The following BCL2L1 variants were observed in gnomAD, a reference collection of about 807,000 sequenced individuals.
BCL2L1 encodes BCL2 like 1.
Under a neutral mutation model 18.7 loss-of-function variants are expected in BCL2L1, and 1 was observed. The ratio of observed to expected loss-of-function variants is 0.05; its 90% CI spans 0.02 to 0.25. The LOEUF (loss-of-function observed/expected upper bound fraction) is 0.25. Ranked by LOEUF, BCL2L1 falls within the 10% of genes least tolerant of loss-of-function variation. The pLI is 1.00. For synonymous variants in BCL2L1, 103 were observed against 122.7 expected, an observed-to-expected ratio of 0.84 and a Z score of 1.06; for missense variants, 207 against 304.9, an observed-to-expected ratio of 0.68 and a Z score of 2.39.
chr20:31,706,534 A>G (rs1316767310), intron 2 of BCL2L1, among the ~76,000 whole-genome samples: 12 of 152,208 alleles, frequency 7.9e-5, no homozygotes. Context: ...GTTAAGAGTG[A>G]ATAAGACATA....
chr20:31,684,097 G>A (rs1390666418), intron 2 of BCL2L1, among the ~76,000 whole-genome samples: 7 of 152,212 alleles, frequency 4.6e-5, no homozygotes, highest in Middle Eastern at 6.8e-3. Flanking sequence ...CCAGCTGACC[G>A]GAAGCCAGTC....
At chr20:31,696,346 T>C (rs2061170055) in intron 2 of BCL2L1, among the ~76,000 whole-genome samples, 1 of 152,170 alleles carries the variant, frequency 6.6e-6, no homozygotes, top group African/African-American at 2.4e-5. Flanking sequence ...ATGGCAGCGG[T>C]CAACGTCCTT....
chr20:31,697,892 G>GTTTTTTTTTTTTTGTTTGTTTGTTTT (rs1319361227), intron 2 of BCL2L1, among the ~76,000 whole-genome samples: 113 of 129,634 alleles, frequency 8.7e-4, no homozygotes, highest in Non-Finnish European at 1.1e-3. Context: ...TGCTGTTGCT[G>GTTTTTTTTTTTTTGTTTGTTTGTTTT]TTTTTTTTTT....
chr20:31,698,087 C>A (rs1405018295), intron 2 of BCL2L1, among the ~76,000 whole-genome samples: 1 of 151,774 alleles, frequency 6.6e-6, no homozygotes, highest in Non-Finnish European at 1.5e-5. Context: ...GGGGTTTCAC[C>A]ATGTTGGCCA....
intron 2 of BCL2L1, among the ~76,000 whole-genome samples, chr20:31,692,612 A>C (rs2061092551): frequency 6.6e-6 from 1 of 151,412 alleles, no homozygotes; most frequent in Non-Finnish European, 1.5e-5. Context: ...CATCTCTACT[A>C]ATAATACAAA....
intron 2 of BCL2L1, among the ~76,000 whole-genome samples, chr20:31,682,709 C>T (rs1299745766): frequency 6.6e-6 from 1 of 152,138 alleles, no homozygotes; most frequent in African/African-American, 2.4e-5. Context: ...CTCGCCTTGG[C>T]CCCCCAAAGT....
intron 2 of BCL2L1, among the ~76,000 whole-genome samples, chr20:31,700,281 C>A (rs2061254911): frequency 6.6e-6 from 1 of 152,160 alleles, no homozygotes; most frequent in Non-Finnish European, 1.5e-5. Flanking sequence ...TGACAATGGC[C>A]CCACACTTAA....
intron 2 of BCL2L1, among the ~76,000 whole-genome samples, chr20:31,668,548 C>G (rs998624938): frequency 1.3e-5 from 2 of 151,782 alleles, no homozygotes; most frequent in Non-Finnish European, 2.9e-5. Flanking sequence ...CTCAAGTGAT[C>G]CGCCCACGGC....
intron 2 of BCL2L1, among the ~76,000 whole-genome samples, chr20:31,701,226 T>C (rs1395920151): frequency 6.6e-6 from 1 of 152,114 alleles, no homozygotes; most frequent in African/African-American, 2.4e-5. Flanking sequence ...GCTAATTTTT[T>C]GTATTTTAGC....
upstream of BCL2L1, chr20:31,723,458 CCGGGGG>C (rs2061668823): frequency 1.0e-6 from 1 of 985,266 alleles, no homozygotes; most frequent in Admixed American, 6.1e-5. Flanking sequence ...GGCTCCGGGG[CCGGGGG>C]CTGCACCTCT....
At chr20:31,721,153 C>T (rs1005431531) in intron 2 of BCL2L1, among the ~76,000 whole-genome samples, 1 of 152,142 alleles carries the variant, frequency 6.6e-6, no homozygotes, top group African/African-American at 2.4e-5. Context: ...GTGCCATACA[C>T]GCAAACTTTG....
At chr20:31,669,116 C>T (rs996626661) in intron 2 of BCL2L1, among the ~76,000 whole-genome samples, 5 of 152,002 alleles carry the variant, frequency 3.3e-5, no homozygotes, top group East Asian at 1.9e-4. Context: ...ACTGTAGTGG[C>T]GCAATCATGG....
At chr20:31,718,984 G>C (rs1332500483) in intron 2 of BCL2L1, among the ~76,000 whole-genome samples, 6 of 152,170 alleles carry the variant, frequency 3.9e-5, no homozygotes, top group Non-Finnish European at 7.3e-5. Flanking sequence ...TGCCAACCTT[G>C]GTGTAAATTC....
intron 2 of BCL2L1, among the ~76,000 whole-genome samples, chr20:31,719,319 T>C (rs910365956): frequency 1.3e-5 from 2 of 152,088 alleles, no homozygotes; most frequent in African/African-American, 2.4e-5. Context: ...AACATAGCCC[T>C]GAGTAGAATA....
intron 2 of BCL2L1, among the ~76,000 whole-genome samples, chr20:31,697,892 G>GTTTTTTTTTTTTTTGTTTGTTTT (rs199575410): frequency 1.5e-5 from 2 of 129,636 alleles, no homozygotes; most frequent in African/African-American, 6.6e-5. Flanking sequence ...TGCTGTTGCT[G>GTTTTTTTTTTTTTTGTTTGTTTT]TTTTTTTTTT....
At chr20:31,708,740 C>G (rs540945300) in intron 2 of BCL2L1, among the ~76,000 whole-genome samples, 11 of 152,214 alleles carry the variant, frequency 7.2e-5, no homozygotes, top group Admixed American at 3.3e-4. Context: ...AGAGAAGGAG[C>G]TGTGGGGCAG....
intron 2 of BCL2L1, among the ~76,000 whole-genome samples, chr20:31,695,274 C>T (rs1048761370): frequency 2.0e-5 from 3 of 152,188 alleles, no homozygotes; most frequent in Admixed American, 1.3e-4. Flanking sequence ...CCTTCTAAAA[C>T]CTGTCACTTC....
intron 2 of BCL2L1, among the ~76,000 whole-genome samples, chr20:31,715,587 C>G (rs922711794): frequency 7.9e-5 from 12 of 152,160 alleles, no homozygotes; most frequent in African/African-American, 2.9e-4. Context: ...TTAGGTAATA[C>G]TTTTGTTGGG....
chr20:31,713,914 T>C (rs753170998), intron 2 of BCL2L1, among the ~76,000 whole-genome samples: 1 of 152,214 alleles, frequency 6.6e-6, no homozygotes, highest in Non-Finnish European at 1.5e-5. Context: ...CAATTCATCT[T>C]TCTCACCTGA....
Sources: gnomAD v4.1 joint callset for allele counts (sites outside exome capture counted in the v4.1 genomes callset) on GRCh38, gnomAD v4.1.1 for gene constraint, MANE v1.5 for transcripts, NCBI Gene and HGNC (gene_info 2026-07-23, HGNC 2026-07-21) for gene names.